Variants in TWIST2 observed in about 807,000 individuals in gnomAD.
TWIST2 encodes twist-related protein 2.
Under a neutral mutation model 11.6 loss-of-function variants are expected in TWIST2, and 1 was observed. The observed-to-expected ratio is 0.09, with a 90% CI of 0.03 to 0.41. The LOEUF (loss-of-function observed/expected upper bound fraction) is 0.41, where lower values mean the gene tolerates loss of function less well. Among genes scored for constraint, TWIST2 ranks in the 10% least tolerant of loss-of-function variants. The pLI, the probability that TWIST2 is intolerant of heterozygous loss-of-function variation, is 0.98. For synonymous variants in TWIST2, 87 were observed against 96.6 expected (o/e 0.90, Z 0.58); for missense variants, 168 against 226.4 (o/e 0.74, Z 1.66).
At chr2:238,868,763 G>C (rs1357772282) in intron 1 of TWIST2, among the ~76,000 whole-genome samples, 3 of 152,234 alleles carry the variant, frequency 2.0e-5, no homozygotes, top group Non-Finnish European at 4.4e-5. Context: ...TGTGGTGCCA[G>C]TGTGGGCTGA....
At chr2:238,884,116 T>C (rs1692989499) in intron 1 of TWIST2, among the ~76,000 whole-genome samples, 1 of 152,284 alleles carries the variant, frequency 6.6e-6, no homozygotes, top group South Asian at 2.1e-4. Context: ...GCACCCCGAG[T>C]GCCTACTCAG....
At chr2:238,882,870 C>A (rs2106365690) in intron 1 of TWIST2, among the ~76,000 whole-genome samples, 1 of 152,274 alleles carries the variant, frequency 6.6e-6, no homozygotes, top group Non-Finnish European at 1.5e-5. Context: ...CTGCTGGAAG[C>A]TGGGGCAGTC....
Position 238,893,834 on chromosome 2 carries a change from G to A in TWIST2, c.*36-16008G>A, listed in dbSNP as rs989529891. 3.5e-4 allele frequency among the ~76,000 whole-genome samples: 54 copies of A among 152,242 alleles called. No homozygotes were observed. In the East Asian group the frequency reaches 9.5e-3, roughly 27 times the overall value. On this transcript the variant is annotated intron_variant, in intron 1 of 1. Coordinates refer to ENST00000612363, the MANE Select transcript of TWIST2 (RefSeq NM_001271893.4). ...CTGGCCTCCGCGGCAGCCTGCACCC[G>A]GCTGAGCCTGCTCTTCTGAAGTCCT...
chr2:238,871,216 AC>A (rs544722461), intron 1 of TWIST2, among the ~76,000 whole-genome samples: 15 of 4,032 alleles, frequency 3.7e-3, no homozygotes, highest in African/African-American at 5.9e-3. Context: ...CACAAACCAC[AC>A]CCCCCCACAC....
At chr2:238,900,244 G>T (rs879000670) in intron 1 of TWIST2, among the ~76,000 whole-genome samples, 1 of 151,970 alleles carries the variant, frequency 6.6e-6, no homozygotes, top group Non-Finnish European at 1.5e-5. Flanking sequence ...GTGAGTTCAC[G>T]AATCCGACTG....
At chr2:238,896,230 C>T (rs958747346) in intron 1 of TWIST2, among the ~76,000 whole-genome samples, 4 of 152,292 alleles carry the variant, frequency 2.6e-5, no homozygotes, top group South Asian at 2.1e-4. Flanking sequence ...ACCCTGACGG[C>T]GAACGCCCCA....
intron 1 of TWIST2, among the ~76,000 whole-genome samples, chr2:238,894,293 G>A (rs1170186821): frequency 6.6e-6 from 1 of 152,058 alleles, no homozygotes; most frequent in African/African-American, 2.4e-5. Flanking sequence ...TGGCTGACAC[G>A]GGTCTTGTTG....
At chr2:238,855,192 G>C (rs1249270767) in intron 1 of TWIST2, among the ~76,000 whole-genome samples, 2 of 152,196 alleles carry the variant, frequency 1.3e-5, no homozygotes, top group Non-Finnish European at 2.9e-5. Context: ...GTCTCAGGGA[G>C]ACTGTTTTGT....
At chr2:238,887,009 A>G (rs1325801772) in intron 1 of TWIST2, 1 of 152,026 alleles carries the variant, frequency 6.6e-6, no homozygotes, top group Non-Finnish European at 1.5e-5. Flanking sequence ...TTGTTTTTTC[A>G]AGTTCAGAAA....
intron 1 of TWIST2, among the ~76,000 whole-genome samples, chr2:238,875,570 G>A (rs984417059): frequency 6.6e-6 from 1 of 152,198 alleles, no homozygotes; most frequent in South Asian, 2.1e-4. Flanking sequence ...GCTATGCAGA[G>A]TTGCACATCA....
chr2:238,858,892 C>T (rs781517032), intron 1 of TWIST2, among the ~76,000 whole-genome samples: 3 of 152,120 alleles, frequency 2.0e-5, no homozygotes, highest in Admixed American at 6.5e-5. Flanking sequence ...GTAGCCCATT[C>T]GTACAATGGA....
chr2:238,884,759 G>T (rs1693001201), intron 1 of TWIST2, among the ~76,000 whole-genome samples: 1 of 152,226 alleles, frequency 6.6e-6, no homozygotes, highest in Non-Finnish European at 1.5e-5. Flanking sequence ...TACCTCGCAG[G>T]CCTCCCGCAG....
intron 1 of TWIST2, among the ~76,000 whole-genome samples, chr2:238,906,560 T>C (rs1021099320): frequency 0.58 from 88,520 of 151,636 alleles, 27,161 homozygotes; most frequent in African/African-American, 0.79. Context: ...ACGATACACA[T>C]GCTCACACAA....
In TWIST2 at chr2:238,848,141, G is replaced by T; in HGVS notation, c.-75G>T. 8.8e-7 allele frequency: 1 copy of T among 1,133,856 alleles called. No homozygotes were observed. Among genetic ancestry groups the T allele is most frequent in the Non-Finnish European group, 1.1e-6 (1 of 921,888 alleles). 70.2% of individuals were successfully genotyped at this position (1,133,856 alleles called of 1,614,324 possible). ...CAGCAACTCCGAGAGCGTGTGCTCG[G>T]CGACCGCGGGCTTGGCCAGCGGCGC... On this transcript the variant is annotated 5_prime_UTR_variant, in exon 1 of 2. Transcript: ENST00000612363.
rs1692169971 is a variant in TWIST2 at position 238,848,332 on chromosome 2, G to C, written c.117G>C (p.Ser39=). 1 of 1,534,670 alleles carries C rather than the reference G, an allele frequency of 6.5e-7. No homozygotes were observed. The highest frequency in any genetic ancestry group is 8.7e-7 in the Non-Finnish European group (1 of 1,146,212). The part of the protein sequence containing the change: ...FGRKRRYSKK[S]SEDGSPTPGK... ...GGAAGCGGCGCTACAGCAAGAAGTC[G>C]AGCGAAGATGGCAGCCCGACCCCGG... is the stretch of plus-strand genomic sequence containing the variant. Residue 39 remains serine (S), a synonymous_variant, in exon 1 of 2, where the codon TCG becomes TCC. Transcript: ENST00000612363.
intron 1 of TWIST2, among the ~76,000 whole-genome samples, chr2:238,906,265 C>T (rs1427089324): frequency 6.6e-6 from 1 of 151,786 alleles, no homozygotes; most frequent in Non-Finnish European, 1.5e-5. Context: ...CACACCCACA[C>T]AAAAACATGC....
intron 1 of TWIST2, among the ~76,000 whole-genome samples, chr2:238,860,100 C>T (rs1371538738): frequency 6.6e-6 from 1 of 152,200 alleles, no homozygotes; most frequent in Non-Finnish European, 1.5e-5. Flanking sequence ...AGGCTGTCCA[C>T]AGCCCAGGGC....
rs1009633230 is a variant in TWIST2, at chr2:238,866,397, A to G, written c.*35+17664A>G. Among the ~76,000 whole-genome samples, 2 of 152,190 alleles carry G rather than the reference A, an allele frequency of 1.3e-5. No individual in the cohort carries two copies. Among genetic ancestry groups the G allele is most frequent in the African/African-American group, 4.8e-5 (2 of 41,456 alleles). ...CCTTCGGCCAGGCACAGTGGCTCAC[A>G]CCTGTAATCCTGGCACTTTGGGAGG... On this transcript the variant is annotated intron_variant, in intron 1 of 1. Coordinates refer to ENST00000612363, the MANE Select transcript of TWIST2 (RefSeq NM_001271893.4). This position sits in a 1 kb window ranked among gnomAD's most constrained non-coding sequence, Gnocchi z 4.9.
In TWIST2 at chr2:238,866,848, C is replaced by T. The variant is rs769925812; in HGVS notation, c.*35+18115C>T. Among the ~76,000 whole-genome samples the T allele has an allele frequency of 5.3e-5, 8 of 152,090 alleles. No homozygotes were observed. Among genetic ancestry groups the T allele is most frequent in the Admixed American group, 2.0e-4 (3 of 15,266 alleles). On this transcript the variant is annotated intron_variant, in intron 1 of 1. Transcript: ENST00000612363. This position sits in a 1 kb window ranked among gnomAD's most constrained non-coding sequence, Gnocchi z 4.9. The stretch of plus-strand genomic sequence containing the variant: ...TCCCCTAGCGGCCTGGCAGCTGCGA[C>T]GGTTTGTCTGCCTGTCACCCCGGGA...
Sources: gnomAD v4.1 joint callset for allele counts (sites outside exome capture counted in the v4.1 genomes callset) on GRCh38, gnomAD v4.1.1 for gene constraint, Gnocchi (gnomAD v3.1) non-coding constraint, MANE v1.5 for transcripts, NCBI Gene and HGNC (gene_info 2026-07-23, HGNC 2026-07-21) for gene names.